The following TENM3 variants were observed in gnomAD, a reference collection of about 807,000 sequenced individuals.
The protein encoded by TENM3 is teneurin transmembrane protein 3.
TENM3 carries 63 observed loss-of-function variants against 255.1 expected under a neutral mutation model. That is an observed-to-expected ratio of 0.25 (90% CI 0.20 to 0.30). The LOEUF (loss-of-function observed/expected upper bound fraction) is 0.30, where lower values mean the gene tolerates loss of function less well. Among genes scored for constraint, TENM3 ranks in the 10% least tolerant of loss-of-function variants. TENM3 has a pLI of 1.00. For missense variants in TENM3, 2,929 were observed against 3,461.1 expected (o/e 0.85, Z 3.86); for synonymous variants, 1,306 against 1,322.3 (o/e 0.99, Z 0.27).
chr4:182,206,663 T>C (rs1754600720), intron 1 of TENM3, among the ~76,000 whole-genome samples: 1 of 152,186 alleles, frequency 6.6e-6, no homozygotes, highest in Admixed American at 6.5e-5. Context: ...GTCAGTTACT[T>C]GTGCTAAAAA....
the TENM3 span, among the ~76,000 whole-genome samples, chr4:181,580,475 G>C: frequency 6.6e-6 from 1 of 152,150 alleles, no homozygotes; most frequent in African/African-American, 2.4e-5. Flanking sequence ...AAGTATTACT[G>C]TCTCGCAGAT....
chr4:182,136,283 G>C, the TENM3 span, among the ~76,000 whole-genome samples: 1 of 152,066 alleles, frequency 6.6e-6, no homozygotes, highest in Non-Finnish European at 1.5e-5. Flanking sequence ...TTCTTTCAAG[G>C]GAAAAATTCT....
intron 3 of TENM3, among the ~76,000 whole-genome samples, chr4:182,540,943 G>A (rs1166233100): frequency 2.0e-5 from 3 of 152,160 alleles, no homozygotes; most frequent in African/African-American, 7.2e-5. Flanking sequence ...CAGGCAGAGC[G>A]AGCGAGTGGT....
At chr4:181,562,599 C>G in the TENM3 span, among the ~76,000 whole-genome samples, 17,436 of 151,968 alleles carry the variant, frequency 0.11, 1,088 homozygotes, top group Middle Eastern at 0.17. Flanking sequence ...AGAATCAAAG[C>G]TGGCTCACCA....
chr4:182,502,914 T>TTC, intron 3 of TENM3, among the ~76,000 whole-genome samples: 1 of 142,202 alleles, frequency 7.0e-6, no homozygotes, highest in South Asian at 2.2e-4. Context: ...GTCAGCCTTT[T>TTC]TTTTTTTTTT....
the TENM3 span, among the ~76,000 whole-genome samples, chr4:181,448,077 C>T: frequency 1.3e-5 from 2 of 151,054 alleles, no homozygotes; most frequent in African/African-American, 4.9e-5. Flanking sequence ...TCAACCTTAC[C>T]ATCGTATTTC....
At chr4:182,586,820 A>G (rs1385892902) in intron 3 of TENM3, among the ~76,000 whole-genome samples, 2 of 152,244 alleles carry the variant, frequency 1.3e-5, no homozygotes, top group African/African-American at 2.4e-5. Context: ...TAGGGACTCA[A>G]TAAACTACAG....
chr4:182,177,856 G>C (rs1403491066), intron 1 of TENM3, among the ~76,000 whole-genome samples: 14 of 151,232 alleles, frequency 9.3e-5, no homozygotes, highest in Admixed American at 9.2e-4. Context: ...ATTCAGATGA[G>C]ACAACATTTA....
rs142365927 is a variant in TENM3 at position 182,612,813 on chromosome 4, A to G, written c.749+11652A>G. On this transcript the variant is annotated intron_variant, in intron 4 of 27. Transcript: ENST00000511685. The stretch of plus-strand genomic sequence containing the variant: ...TAAAGTTTGATAATATTTTCTTGGC[A>G]CATGGCAAATAGTTGTTCAGTAAGC... 4.4e-3 allele frequency among the ~76,000 whole-genome samples: 669 copies of G among 152,298 alleles called. 2 individuals are homozygous for G. The highest frequency in any genetic ancestry group is 0.016 in the African/African-American group (646 of 41,562).
intron 3 of TENM3, among the ~76,000 whole-genome samples, chr4:182,526,956 G>A (rs992269457): frequency 6.8e-6 from 1 of 147,454 alleles, no homozygotes; most frequent in African/African-American, 2.7e-5. Flanking sequence ...TAGCCCTTTC[G>A]CTCCTTTCTG....
chr4:182,353,957 C>T (rs1353955276), intron 3 of TENM3, among the ~76,000 whole-genome samples: 1 of 147,700 alleles, frequency 6.8e-6, no homozygotes, highest in Non-Finnish European at 1.5e-5. Context: ...AACAGGGATA[C>T]TCCAGCTGGA....
At position 182,777,264 on chromosome 4, in the gene TENM3, C is replaced by T. The variant is rs150738821; in HGVS notation, c.5304+2111C>T. 1.6e-3 allele frequency among the ~76,000 whole-genome samples: 237 copies of T among 152,150 alleles called. 1 individual carries two copies. The highest frequency in any genetic ancestry group is 4.8e-3 in the African/African-American group (199 of 41,498). ...GTCCTGTTCATTTTTAAGTTGTTGA[C>T]CTAAATTTAGCTATGTGCCTGTCAC... On this transcript the variant is annotated intron_variant, in intron 24 of 27. Transcript: ENST00000511685.
chr4:182,592,453 G>T (rs1189568538), intron 3 of TENM3, among the ~76,000 whole-genome samples: 2 of 152,246 alleles, frequency 1.3e-5, no homozygotes, highest in Admixed American at 1.3e-4. Context: ...GCCGGGCATG[G>T]TGGCCCACAC....
At chr4:182,512,488 T>G (rs1241780943) in intron 3 of TENM3, among the ~76,000 whole-genome samples, 1 of 152,182 alleles carries the variant, frequency 6.6e-6, no homozygotes, top group Non-Finnish European at 1.5e-5. Flanking sequence ...ACAGCTCACA[T>G]TACCTTACCA....
the TENM3 span, among the ~76,000 whole-genome samples, chr4:181,832,674 A>G: frequency 6.6e-6 from 1 of 152,220 alleles, no homozygotes; most frequent in South Asian, 2.1e-4. Context: ...ACTTTCCAAG[A>G]TTCTCCTAGG....
chr4:182,370,993 C>G (rs949226094), intron 3 of TENM3, among the ~76,000 whole-genome samples: 1 of 152,026 alleles, frequency 6.6e-6, no homozygotes, highest in African/African-American at 2.4e-5. Context: ...TGCTTTTGTC[C>G]TAAGTTCTTA....
chr4:181,527,058 C>A, the TENM3 span, among the ~76,000 whole-genome samples: 1 of 150,354 alleles, frequency 6.7e-6, no homozygotes, highest in African/African-American at 2.4e-5. Context: ...AAGCTCACTC[C>A]TCTGGCCCCC....
chr4:182,644,104 C>T (rs1752542898), intron 5 of TENM3, among the ~76,000 whole-genome samples: 1 of 152,184 alleles, frequency 6.6e-6, no homozygotes. Flanking sequence ...CACACACCAC[C>T]TTCAGGTGAC....
At chr4:182,101,132 AAGGAAGGAAAGAAGGG>A in the TENM3 span, among the ~76,000 whole-genome samples, 1 of 24,108 alleles carries the variant, frequency 4.1e-5, no homozygotes, top group African/African-American at 1.7e-4. Context: ...GGAAAGAAGG[AAGGAAGGAAAGAAGGG>A]AGGGAGGAAG....
Sources: gnomAD v4.1 joint callset for allele counts (sites outside exome capture counted in the v4.1 genomes callset) on GRCh38, gnomAD v4.1.1 for gene constraint, MANE v1.5 for transcripts, NCBI Gene and HGNC (gene_info 2026-07-23, HGNC 2026-07-21) for gene names.